Variants in NSUN2 observed in about 807,000 individuals in gnomAD.
NSUN2 encodes RNA cytosine C(5)-methyltransferase NSUN2.
Under a neutral mutation model 92.7 loss-of-function variants are expected in NSUN2, and 63 were observed. That is an observed-to-expected ratio of 0.68 (90% CI 0.56 to 0.84). The LOEUF is 0.84. NSUN2 is among the 40% of genes least tolerant of loss of function. The probability of loss-of-function intolerance (pLI) is 0.00; values close to 1 mark genes in which losing one functional copy is unlikely to be tolerated. For synonymous variants in NSUN2, 356 were observed against 348.3 expected (o/e 1.02, Z -0.25); for missense variants, 989 against 964.9 (o/e 1.02, Z -0.33).
Position 6,599,827 on chromosome 5 carries a change from C to T in NSUN2, c.*99G>A, listed in dbSNP as rs3776448. 0.13 allele frequency: 130,188 copies of T among 1,032,074 alleles called. 9,834 individuals carry two copies. Among genetic ancestry groups the T allele is most frequent in the East Asian group, 0.25 (10,484 of 42,064 alleles). 63.9% of individuals were successfully genotyped at this position (1,032,074 alleles called of 1,614,324 possible). The stretch of plus-strand genomic sequence containing the variant: ...GCAGTCATTAGAAATATATGCTTTA[C>T]AGGCCACAGGCTGCTCTGGATTTGG... On this transcript the variant is annotated 3_prime_UTR_variant, in exon 19 of 19. Coordinates refer to ENST00000264670, the MANE Select transcript of NSUN2 (RefSeq NM_017755.6).
At position 6,599,950 on chromosome 5, in the gene NSUN2, C is replaced by G. The variant is rs150472251; in HGVS notation, c.2280G>C (p.Pro760=). ...CTCACCGGGGTGGATGGACCCCCGC[C>G]GGGTCACAGCCTGCTGTCACGTCTG... ...NSPDVTAGCD[P]AGVHPPR is the part of the protein sequence containing the mutation. Residue 760 remains proline, a synonymous_variant, in exon 19 of 19, where the codon CCG becomes CCC. Coordinates refer to ENST00000264670, the MANE Select transcript of NSUN2 (RefSeq NM_017755.6). The G allele has an allele frequency of 2.1e-4, 335 of 1,613,710 alleles. 6 individuals are homozygous for G. In the South Asian group the frequency reaches 3.6e-3, roughly 17 times the overall value.
At chr5:6,627,764 A>G (rs1332799055) in intron 3 of NSUN2, among the ~76,000 whole-genome samples, 1 of 152,220 alleles carries the variant, frequency 6.6e-6, no homozygotes, top group African/African-American at 2.4e-5. Flanking sequence ...ATGTTTTTAA[A>G]TTATGTTTCT....
Position 6,623,221 on chromosome 5 carries a change from T to C in NSUN2, c.530A>G (p.His177Arg). ...IPPLLLNVRP[H>R]HKILDMCAAP... The stretch of plus-strand genomic sequence containing the variant: ...CTAGTTGCTATATGCTACCTTATGA[T>C]GAGGCCGCACGTTGAGGAGCAGTGG... The change falls in exon 5 of 19, where the codon CAT becomes CGT. Residue 177 changes from histidine to arginine, a missense_variant. His to Arg is a conservative substitution (Grantham distance 29). Transcript: ENST00000264670. The C allele has an allele frequency of 1.2e-6, 2 of 1,604,670 alleles. No individual in the cohort carries two copies. The highest frequency in any genetic ancestry group is 1.7e-6 in the Non-Finnish European group (2 of 1,177,738).
intron 9 of NSUN2, among the ~76,000 whole-genome samples, chr5:6,612,441 C>T (rs770713398): frequency 1.6e-4 from 25 of 152,120 alleles, no homozygotes; most frequent in African/African-American, 4.6e-4. Context: ...AAAAACAATG[C>T]GATAAGAGCT....
At chr5:6,611,608 G>T in intron 10 of NSUN2, 117 bp downstream of exon 10, 1 of 745,532 alleles carries the variant, frequency 1.3e-6, no homozygotes, top group Non-Finnish European at 2.3e-6. Flanking sequence ...ATTCTAATTG[G>T]CATAACCAGA....
Position 6,616,846 on chromosome 5 carries a change from C to T in NSUN2, c.902G>A (p.Arg301Gln), listed in dbSNP as rs144569332. ...CTGTTCAGCCCCGCGTGTTGCAATC[C>T]GCAGCTGTAAGCTAAGGGGAGATAT... ...NSLQLHGLQL[R>Q]IATRGAEQLA... Residue 301 changes from arginine to glutamine, a missense_variant, in exon 9 of 19, where the codon CGG becomes CAG. Physicochemically the swap from Arg to Gln is conservative, Grantham distance 43 (BLOSUM62 1). Transcript: ENST00000264670. The T allele has an allele frequency of 1.5e-5, 25 of 1,612,914 alleles. No individual in the cohort carries two copies. The highest frequency in any genetic ancestry group is 1.8e-5 in the Non-Finnish European group (21 of 1,179,426).
At chr5:6,631,748 C>T (rs1579384033) in intron 3 of NSUN2, 125 bp downstream of exon 3, 4 of 708,602 alleles carry the variant, frequency 5.6e-6, no homozygotes, top group East Asian at 5.0e-5. Context: ...GGTACTAGAA[C>T]ATTAGGATGT....
intron 9 of NSUN2, among the ~76,000 whole-genome samples, chr5:6,612,018 G>A (rs1163492624): frequency 1.3e-5 from 2 of 152,184 alleles, no homozygotes; most frequent in Non-Finnish European, 2.9e-5. Context: ...CTGTTGGGCA[G>A]GAAAGGTCTG....
At chr5:6,627,865 T>C (rs1245065363) in intron 3 of NSUN2, among the ~76,000 whole-genome samples, 1 of 152,212 alleles carries the variant, frequency 6.6e-6, no homozygotes, top group Non-Finnish European at 1.5e-5. Flanking sequence ...AAATGAGAGG[T>C]ATATTTAATT....
At chr5:6,607,101 C>T (rs1736807565) in intron 13 of NSUN2, 99 bp downstream of exon 13, 1 of 1,263,326 alleles carries the variant, frequency 7.9e-7, no homozygotes, top group East Asian at 2.3e-5. Flanking sequence ...ATGTACTGCC[C>T]CCTCAAACCG....
In NSUN2 at chr5:6,632,378, C is replaced by A. The variant is rs573579014; in HGVS notation, c.254+221G>T. Among the ~76,000 whole-genome samples the A allele has an allele frequency of 7.9e-5, 12 of 152,318 alleles. No individual in the cohort carries two copies. The South Asian group carries it at 2.5e-3, about 32-fold the overall frequency. On this transcript the variant is annotated intron_variant, in intron 2 of 18. Coordinates refer to ENST00000264670, the MANE Select transcript of NSUN2 (RefSeq NM_017755.6). ...GAAGATTCCCCAGGAGCCGAATCTT[C>A]CTCAGATCTCATTTTCATTTCGTCT...
At chr5:6,607,943 G>A (rs16877648) in intron 12 of NSUN2, among the ~76,000 whole-genome samples, 11,835 of 152,172 alleles carry the variant, frequency 0.078, 1,175 homozygotes, top group African/African-American at 0.23. Flanking sequence ...CTTTGGGAAT[G>A]AGCAAAATGT....
chr5:6,625,984 C>T (rs1737639696), intron 3 of NSUN2, among the ~76,000 whole-genome samples: 1 of 152,138 alleles, frequency 6.6e-6, no homozygotes, highest in African/African-American at 2.4e-5. Context: ...CTCTGCTCTT[C>T]ACCATTATAA....
intron 18 of NSUN2, among the ~76,000 whole-genome samples, chr5:6,600,612 C>G (rs1736512491): frequency 6.6e-6 from 1 of 152,220 alleles, no homozygotes; most frequent in Non-Finnish European, 1.5e-5. Context: ...CTCCCTGCAG[C>G]TCACCTCAAG....
intron 2 of NSUN2, 68 bp from the exon 3 acceptor site, chr5:6,632,045 T>C (rs1217935660): frequency 8.0e-7 from 1 of 1,255,642 alleles, no homozygotes; most frequent in Non-Finnish European, 1.1e-6. Context: ...TCTTCTTAAA[T>C]TTAAGACTGC....
At chr5:6,600,256 T>G in intron 18 of NSUN2, 24 bp from the exon 19 acceptor site, 1 of 1,600,134 alleles carries the variant, frequency 6.2e-7, no homozygotes, top group Non-Finnish European at 8.5e-7. Flanking sequence ...TGGCTTCATG[T>G]AGAACATTAA....
intron 6 of NSUN2, 46 bp from the exon 7 acceptor site, chr5:6,620,344 G>A: frequency 6.9e-7 from 1 of 1,446,754 alleles, no homozygotes. Flanking sequence ...AGCCTAAGTG[G>A]AATCACATCC....
chr5:6,607,754 C>A (rs1736833682), intron 12 of NSUN2, among the ~76,000 whole-genome samples: 1 of 152,132 alleles, frequency 6.6e-6, no homozygotes, highest in South Asian at 2.1e-4. Context: ...TTCTAAAATA[C>A]CCGGCAGGGG....
intron 18 of NSUN2, among the ~76,000 whole-genome samples, chr5:6,601,153 C>G (rs773093239): frequency 2.5e-5 from 2 of 80,506 alleles, no homozygotes; most frequent in African/African-American, 5.4e-5. Context: ...ATTCCCAACT[C>G]CCATCTTCTT....
Sources: gnomAD v4.1 joint callset for allele counts (sites outside exome capture counted in the v4.1 genomes callset) on GRCh38, gnomAD v4.1.1 for gene constraint, MANE v1.5 for transcripts, NCBI Gene and HGNC (gene_info 2026-07-23, HGNC 2026-07-21) for gene names.